Variants in DOCK5 observed in about 807,000 individuals in gnomAD.
DOCK5 encodes dedicator of cytokinesis protein 5.
DOCK5 carries 142 observed loss-of-function variants against 251.8 expected under a neutral mutation model. The ratio of observed to expected loss-of-function variants is 0.56; its 90% CI spans 0.49 to 0.65. The LOEUF (loss-of-function observed/expected upper bound fraction) is 0.65, where lower values mean the gene tolerates loss of function less well. Among genes scored for constraint, DOCK5 ranks in the 30% least tolerant of loss-of-function variants. The pLI, the probability that DOCK5 is intolerant of heterozygous loss-of-function variation, is 0.00. For synonymous variants in DOCK5, 842 were observed against 835.5 expected (o/e 1.01, Z -0.13); for missense variants, 2,111 against 2,312.3 (o/e 0.91, Z 1.79).
intron 18 of DOCK5, 85 bp from the exon 19 acceptor site, chr8:25,332,166 C>G: frequency 1.1e-6 from 1 of 944,182 alleles, no homozygotes. Context: ...GAGCAATTAC[C>G]TGTTCTAGAG....
rs943337592 is a variant in DOCK5 at position 25,351,368 on chromosome 8, G to A, written c.2755-363G>A. 19 of 201,460 alleles carry A rather than the reference G, an allele frequency of 9.4e-5. 1 individual carries two copies. Among genetic ancestry groups the A allele is most frequent in the Admixed American group, 6.9e-4 (13 of 18,746 alleles). 12.5% of individuals were successfully genotyped at this position (201,460 alleles called of 1,614,324 possible). Reference sequence around the variant, plus strand: ...CCACCGCACCTGGCCTGACCTGAGCGATTCTAATCTGCTCAACCTCAGAAC... The same window carrying A: ...CCACCGCACCTGGCCTGACCTGAGCAATTCTAATCTGCTCAACCTCAGAAC... On this transcript the variant is annotated intron_variant, in intron 26 of 51. Transcript: ENST00000276440.
At chr8:25,222,015 C>T (rs995697123) in intron 1 of DOCK5, among the ~76,000 whole-genome samples, 1 of 152,172 alleles carries the variant, frequency 6.6e-6, no homozygotes, top group Non-Finnish European at 1.5e-5. Context: ...TACCTTTTCT[C>T]CTGCTGTCAG....
Position 25,228,328 on chromosome 8 carries a change from A to T in DOCK5, c.44-15346A>T, listed in dbSNP as rs144724211. Reference sequence around the variant, plus strand: ...ACTTAATACCCATACATGATGCAGGATAGGTGTGTCCCCAAATTGGGGCTT... The same window carrying T: ...ACTTAATACCCATACATGATGCAGGTTAGGTGTGTCCCCAAATTGGGGCTT... On this transcript the variant is annotated intron_variant, in intron 1 of 51. Coordinates refer to ENST00000276440, the MANE Select transcript of DOCK5 (RefSeq NM_024940.8). Among the ~76,000 whole-genome samples, 428 of 152,346 alleles carry T rather than the reference A, an allele frequency of 2.8e-3. 2 individuals carry two copies. The highest frequency in any genetic ancestry group is 9.8e-3 in the African/African-American group (406 of 41,572).
intron 1 of DOCK5, among the ~76,000 whole-genome samples, chr8:25,193,043 G>C (rs921368238): frequency 6.6e-6 from 1 of 152,092 alleles, no homozygotes; most frequent in African/African-American, 2.4e-5. Context: ...AAAAAAGGAG[G>C]AAGCTGATAC....
At chr8:25,303,461 C>T (rs1586311311) in intron 10 of DOCK5, among the ~76,000 whole-genome samples, 1 of 152,312 alleles carries the variant, frequency 6.6e-6, no homozygotes, top group East Asian at 1.9e-4. Flanking sequence ...AGAGATCCTC[C>T]TTGGCTTACA....
chr8:25,322,662 T>C (rs1805457171), intron 16 of DOCK5, among the ~76,000 whole-genome samples: 1 of 152,222 alleles, frequency 6.6e-6, no homozygotes, highest in African/African-American at 2.4e-5. Flanking sequence ...TCCACAATAA[T>C]ATAACAAGGT....
In DOCK5 at chr8:25,395,850, A is replaced by C. The variant is rs768122234; in HGVS notation, c.4704+131A>C. ...AGAAATGTTCACTTTCCCTTCTGGCAAGTGAAGTGAATGAAACGATTGTCC... is the reference window on the plus strand; with the variant it reads ...AGAAATGTTCACTTTCCCTTCTGGCCAGTGAAGTGAATGAAACGATTGTCC... On this transcript the variant is annotated intron_variant, in intron 45 of 51. Coordinates refer to ENST00000276440, the MANE Select transcript of DOCK5 (RefSeq NM_024940.8). 14 of 1,111,602 alleles carry C rather than the reference A, an allele frequency of 1.3e-5. No homozygotes were observed. In the African/African-American group the frequency reaches 1.7e-4, roughly 14 times the overall value. The allele number at this position is 1,111,602 out of a possible 1,614,324, so 68.9% of individuals were successfully genotyped here.
At chr8:25,373,515 G>T in intron 35 of DOCK5, 103 bp from the exon 36 acceptor site, 1 of 1,119,418 alleles carries the variant, frequency 8.9e-7, no homozygotes, top group South Asian at 1.4e-5. Flanking sequence ...GATCTCTTTG[G>T]AAAAGTGAAA....
chr8:25,371,240 T>C (rs2117284392), intron 34 of DOCK5, among the ~76,000 whole-genome samples: 1 of 152,252 alleles, frequency 6.6e-6, no homozygotes. Context: ...TCAGTAGAGA[T>C]GGGGTTTCAC....
intron 27 of DOCK5, among the ~76,000 whole-genome samples, chr8:25,354,590 G>A (rs1423597415): frequency 1.3e-5 from 2 of 152,086 alleles, no homozygotes; most frequent in Admixed American, 1.3e-4. Context: ...GAGTGATGGC[G>A]GTGCCAAAAG....
chr8:25,248,803 T>A (rs1346458141), intron 2 of DOCK5, among the ~76,000 whole-genome samples: 1 of 152,000 alleles, frequency 6.6e-6, no homozygotes, highest in Non-Finnish European at 1.5e-5. Context: ...ATCTATTGAA[T>A]GATGAAGGTA....
intron 26 of DOCK5, among the ~76,000 whole-genome samples, chr8:25,345,999 G>A (rs917491428): frequency 5.3e-5 from 8 of 152,160 alleles, no homozygotes; most frequent in African/African-American, 1.4e-4. Flanking sequence ...ACAGGCGCCC[G>A]CCACCACGCC....
At chr8:25,296,006 G>A (rs1395076831) in intron 6 of DOCK5, among the ~76,000 whole-genome samples, 1 of 152,106 alleles carries the variant, frequency 6.6e-6, no homozygotes, top group Non-Finnish European at 1.5e-5. Flanking sequence ...TTTTAGCAGA[G>A]ACAGGGTTTC....
At chr8:25,357,109 A>G (rs541535707) in intron 27 of DOCK5, among the ~76,000 whole-genome samples, 55 of 151,754 alleles carry the variant, frequency 3.6e-4, no homozygotes, top group African/African-American at 1.3e-3. Context: ...TGAGAAAGCT[A>G]AATGGCCAAA....
intron 25 of DOCK5, among the ~76,000 whole-genome samples, chr8:25,344,363 T>A (rs1310747632): frequency 6.6e-6 from 1 of 152,182 alleles, no homozygotes; most frequent in Non-Finnish European, 1.5e-5. Context: ...TGGGGCTAAC[T>A]ACCTGGTCAG....
chr8:25,342,076 T>G (rs1428142150), intron 24 of DOCK5, among the ~76,000 whole-genome samples: 1 of 152,078 alleles, frequency 6.6e-6, no homozygotes, highest in Non-Finnish European at 1.5e-5. Context: ...GCCCTACCCC[T>G]AAGTATCCCA....
chr8:25,410,224 A>G lies in DOCK5; in HGVS notation c.5508+22A>G, dbSNP rs755093703. The G allele has an allele frequency of 2.5e-6, 4 of 1,602,082 alleles. No homozygotes were observed. In the Admixed American group the frequency reaches 6.7e-5, roughly 27 times the overall value. ...TGAGGTAGGGAAATCACAGCTGGCAACTGTGGCCAGGGAGCGCCACTCCTG... is the reference window on the plus strand; with the variant it reads ...TGAGGTAGGGAAATCACAGCTGGCAGCTGTGGCCAGGGAGCGCCACTCCTG... On this transcript the variant is annotated intron_variant, in intron 51 of 51. Coordinates refer to ENST00000276440, the MANE Select transcript of DOCK5 (RefSeq NM_024940.8).
chr8:25,380,279 T>C, intron 38 of DOCK5, 26 bp from the exon 39 acceptor site: 1 of 1,591,176 alleles, frequency 6.3e-7, no homozygotes. Flanking sequence ...TTCTCCACTT[T>C]TAACCTTACT....
intron 3 of DOCK5, chr8:25,270,728 C>G (rs936483095): frequency 1.5e-6 from 1 of 684,978 alleles, no homozygotes; most frequent in African/African-American, 1.8e-5. Flanking sequence ...TTGAACATGG[C>G]AGACCTTGCT....
Sources: allele counts gnomAD v4.1 joint callset (sites outside exome capture counted in the v4.1 genomes callset), GRCh38; gene constraint gnomAD v4.1.1; transcripts MANE v1.5; gene names NCBI Gene and HGNC (gene_info 2026-07-23, HGNC 2026-07-21).